The following CEP63 variants were observed in gnomAD, a reference collection of about 807,000 sequenced individuals.
CEP63 encodes centrosomal protein 63, also known as centrosomal protein of 63 kDa.
In CEP63, 84 loss-of-function variants were observed where a neutral mutation model predicts 89.1. The ratio of observed to expected loss-of-function variants is 0.94; its 90% CI spans 0.79 to 1.13. The LOEUF (loss-of-function observed/expected upper bound fraction) is 1.13. Ranked by LOEUF, CEP63 falls within the 50% of genes most tolerant of loss-of-function variation. The probability of loss-of-function intolerance (pLI) is 0.00; values close to 1 mark genes in which losing one functional copy is unlikely to be tolerated. For synonymous variants in CEP63, 267 were observed against 272.5 expected, an observed-to-expected ratio of 0.98 and a Z score of 0.20; for missense variants, 838 against 813.3, an observed-to-expected ratio of 1.03 and a Z score of -0.37.
Position 134,561,603 on chromosome 3 carries a change from C to A in CEP63, c.*68C>A, listed in dbSNP as rs1957355355. Reference sequence around the variant, plus strand: ...AAAGAGTTACTGTCATCTGAAGTAGCAGCTCTTTAAAAACATGAAGAGATA... The same window carrying A: ...AAAGAGTTACTGTCATCTGAAGTAGAAGCTCTTTAAAAACATGAAGAGATA... On this transcript the variant is annotated 3_prime_UTR_variant, in exon 15 of 15. Coordinates refer to ENST00000675561, the MANE Select transcript of CEP63 (RefSeq NM_001353108.3). The A allele has an allele frequency of 6.4e-7, 1 of 1,554,380 alleles. No homozygotes were observed. Among genetic ancestry groups the A allele is most frequent in the Non-Finnish European group, 8.7e-7 (1 of 1,148,668 alleles).
the CEP63 span, among the ~76,000 whole-genome samples, chr3:134,776,377 A>G: frequency 1.3e-5 from 2 of 152,198 alleles, no homozygotes; most frequent in Admixed American, 6.5e-5. Flanking sequence ...CAACATGTCA[A>G]TATGAAAATT....
the CEP63 span, among the ~76,000 whole-genome samples, chr3:134,743,245 T>C: frequency 5.9e-5 from 9 of 152,118 alleles, no homozygotes; most frequent in Non-Finnish European, 5.9e-5. Context: ...GCTCAACTTG[T>C]TGGGTGAGTA....
intron 3 of CEP63, among the ~76,000 whole-genome samples, chr3:134,528,569 C>CGTGTGTGTGTGTGTGTGCGTGTGT (rs1949199226): frequency 6.8e-6 from 1 of 147,024 alleles, no homozygotes; most frequent in African/African-American, 2.5e-5. Flanking sequence ...TGTGTGTGTG[C>CGTGTGTGTGTGTGTGTGCGTGTGT]GTGTGTGTGT....
At chr3:134,582,082 AGAT>A (rs2110332247) in intron 10 of CEP63, among the ~76,000 whole-genome samples, 1 of 152,324 alleles carries the variant, frequency 6.6e-6, no homozygotes, top group East Asian at 1.9e-4. Flanking sequence ...ATCTGTCAGA[AGAT>A]ATAAAATTCT....
At chr3:134,730,101 G>C in the CEP63 span, among the ~76,000 whole-genome samples, 1 of 152,190 alleles carries the variant, frequency 6.6e-6, no homozygotes, top group Non-Finnish European at 1.5e-5. Context: ...GAAATGAATG[G>C]GGTCTTACCC....
At chr3:134,661,598 A>G in the CEP63 span, among the ~76,000 whole-genome samples, 10 of 152,308 alleles carry the variant, frequency 6.6e-5, no homozygotes, top group African/African-American at 2.4e-4. Flanking sequence ...ATCTGGATGA[A>G]GGGGAAGAGA....
chr3:134,609,078 C>A, the CEP63 span, among the ~76,000 whole-genome samples: 1 of 152,202 alleles, frequency 6.6e-6, no homozygotes, highest in Non-Finnish European at 1.5e-5. Context: ...ACTCAGTGCC[C>A]TAGGCTGTCG....
rs1275480617 is a variant in CEP63, at chr3:134,562,366, G to A, written c.*831G>A. ...GGCCCTGAAAGATGCCAGCATCTGA[G>A]GATCACAGGAAATAGATCTAGCAAA... is the stretch of plus-strand genomic sequence containing the variant. On this transcript the variant is annotated 3_prime_UTR_variant, in exon 15 of 15. Transcript: ENST00000675561. 8.1e-6 allele frequency: 2 copies of A among 246,450 alleles called. No homozygotes were observed. Among genetic ancestry groups the A allele is most frequent in the Non-Finnish European group, 1.3e-5 (2 of 154,158 alleles). 15.3% of individuals were successfully genotyped at this position (246,450 alleles called of 1,614,324 possible).
At chr3:134,581,971 G>A (rs996744477) in intron 10 of CEP63, among the ~76,000 whole-genome samples, 1 of 151,886 alleles carries the variant, frequency 6.6e-6, no homozygotes, top group South Asian at 2.1e-4. Context: ...CACCGCGCCC[G>A]GCCGAAAACA....
At chr3:134,725,887 C>T in the CEP63 span, among the ~76,000 whole-genome samples, 9 of 152,194 alleles carry the variant, frequency 5.9e-5, no homozygotes, top group Admixed American at 1.3e-4. Context: ...CTCAGAGGAG[C>T]GAGGGCAGCA....
intron 2 of CEP63, among the ~76,000 whole-genome samples, chr3:134,502,797 C>G (rs534596740): frequency 1.1e-4 from 16 of 152,108 alleles, no homozygotes; most frequent in African/African-American, 3.6e-4. Context: ...TATTTCTGCT[C>G]TGATTTTAGT....
chr3:134,755,733 G>A, the CEP63 span: 1 of 152,200 alleles, frequency 6.6e-6, no homozygotes, highest in East Asian at 1.9e-4. Flanking sequence ...CTGGATACCT[G>A]TTGCTAAGCA....
chr3:134,758,422 A>G, the CEP63 span, among the ~76,000 whole-genome samples: 1 of 152,160 alleles, frequency 6.6e-6, no homozygotes, highest in Non-Finnish European at 1.5e-5. Flanking sequence ...TGGCTGTTGT[A>G]ACAAAAGCCC....
chr3:134,772,240 G>GAGCC, the CEP63 span, among the ~76,000 whole-genome samples: 64 of 148,804 alleles, frequency 4.3e-4, no homozygotes, highest in Non-Finnish European at 3.0e-5. Context: ...GAGGTGGATG[G>GAGCC]GAGAAACCTG....
chr3:134,519,488 A>G (rs1375329650), intron 3 of CEP63, among the ~76,000 whole-genome samples: 1 of 152,210 alleles, frequency 6.6e-6, no homozygotes, highest in Non-Finnish European at 1.5e-5. Context: ...TGGGCCCAGT[A>G]GACTTCATTG....
downstream of CEP63, among the ~76,000 whole-genome samples, chr3:134,569,580 A>G (rs1279855096): frequency 6.6e-6 from 1 of 151,956 alleles, no homozygotes; most frequent in African/African-American, 2.4e-5. Flanking sequence ...GCACAGCTCC[A>G]CTCCTGTGGC....
chr3:134,778,610 G>A, the CEP63 span, among the ~76,000 whole-genome samples: 1 of 152,124 alleles, frequency 6.6e-6, no homozygotes, highest in Non-Finnish European at 1.5e-5. Flanking sequence ...CCAGGCTGGA[G>A]TGCAGTGGCG....
At chr3:134,584,164 T>G (rs1958428527) in intron 10 of CEP63, among the ~76,000 whole-genome samples, 1 of 152,182 alleles carries the variant, frequency 6.6e-6, no homozygotes. Flanking sequence ...TGAATACCCT[T>G]TATTTCTTTC....
intron 12 of CEP63, among the ~76,000 whole-genome samples, chr3:134,555,279 T>C (rs1439739746): frequency 6.6e-6 from 1 of 152,140 alleles, no homozygotes; most frequent in Non-Finnish European, 1.5e-5. Flanking sequence ...CCAGGGCAAT[T>C]AGGCAGGAGA....
Sources: allele counts gnomAD v4.1 joint callset (sites outside exome capture counted in the v4.1 genomes callset), GRCh38; gene constraint gnomAD v4.1.1; transcripts MANE v1.5; gene names NCBI Gene and HGNC (gene_info 2026-07-23, HGNC 2026-07-21).